FAM185A: variants seen among roughly 807,000 people sequenced by gnomAD.
The protein encoded by FAM185A is family with sequence similarity 185 member A, also known as protein FAM185A.
In FAM185A, 21 loss-of-function variants were observed where a neutral mutation model predicts 45.7. The ratio of observed to expected loss-of-function variants is 0.46; its 90% CI spans 0.33 to 0.66. The LOEUF (loss-of-function observed/expected upper bound fraction) is 0.66, where lower values mean the gene tolerates loss of function less well. FAM185A is among the 30% of genes least tolerant of loss of function. FAM185A has a pLI of 0.03. For synonymous variants in FAM185A, 117 were observed against 194.0 expected (o/e 0.60, Z 3.30); for missense variants, 305 against 485.4 (o/e 0.63, Z 3.49).
chr7:102,776,099 T>TACACACACACACACACACATATATACAC (rs1360377462), intron 5 of FAM185A, among the ~76,000 whole-genome samples: 1 of 106,670 alleles, frequency 9.4e-6, no homozygotes, highest in Admixed American at 8.6e-5. Flanking sequence ...TTGGCTCCTA[T>TACACACACACACACACACATATATACAC]ACACACACAC....
intron 6 of FAM185A, among the ~76,000 whole-genome samples, chr7:102,786,848 C>G (rs535913943): frequency 7.4e-5 from 11 of 149,252 alleles, no homozygotes; most frequent in African/African-American, 2.7e-4. Flanking sequence ...AAAACATGGG[C>G]TTTGTAATTA....
chr7:102,765,116 GT>G (rs1488106438), intron 4 of FAM185A, among the ~76,000 whole-genome samples: 3 of 152,286 alleles, frequency 2.0e-5, no homozygotes, highest in Non-Finnish European at 4.4e-5. Flanking sequence ...TTTGATCCTA[GT>G]TTCTTGGCTT....
chr7:102,813,432 A>G (rs1562888532), downstream of FAM185A: 1 of 1,614,160 alleles, frequency 6.2e-7, no homozygotes. Flanking sequence ...CAAGCTCTGT[A>G]ACAGGGTTTC....
chr7:102,767,213 C>T (rs1488496314), intron 4 of FAM185A, among the ~76,000 whole-genome samples: 2 of 146,486 alleles, frequency 1.4e-5, no homozygotes, highest in East Asian at 2.0e-4. Flanking sequence ...ATATTTACTA[C>T]AGTGTCTGTC....
intron 5 of FAM185A, among the ~76,000 whole-genome samples, chr7:102,774,898 G>T (rs2129437208): frequency 6.6e-6 from 1 of 152,224 alleles, no homozygotes; most frequent in South Asian, 2.1e-4. Context: ...ACCACACCTG[G>T]CCCTTTCTTT....
intron 7 of FAM185A, among the ~76,000 whole-genome samples, chr7:102,788,952 T>C (rs567615191): frequency 6.6e-6 from 1 of 152,312 alleles, no homozygotes; most frequent in East Asian, 1.9e-4. Flanking sequence ...TTACCATAAG[T>C]GGAGCTTGTA....
chr7:102,821,291 A>G, the FAM185A span, among the ~76,000 whole-genome samples: 235 of 152,296 alleles, frequency 1.5e-3, no homozygotes, highest in Admixed American at 3.1e-3. Flanking sequence ...ATCCAACTCC[A>G]GCTGGCTGCC....
downstream of FAM185A, among the ~76,000 whole-genome samples, chr7:102,812,122 C>T (rs1394354562): frequency 6.6e-6 from 1 of 152,192 alleles, no homozygotes; most frequent in African/African-American, 2.4e-5. Context: ...TCTGATATTG[C>T]TGACAAGGCT....
intron 6 of FAM185A, among the ~76,000 whole-genome samples, chr7:102,784,721 A>G (rs1048400695): frequency 1.2e-4 from 19 of 152,334 alleles, no homozygotes; most frequent in African/African-American, 4.6e-4. Flanking sequence ...CCCACAGCCA[A>G]TATCATACTG....
intron 6 of FAM185A, among the ~76,000 whole-genome samples, chr7:102,777,658 A>G (rs1485834317): frequency 6.6e-6 from 1 of 152,290 alleles, no homozygotes; most frequent in Non-Finnish European, 1.5e-5. Context: ...TCTGAAATAG[A>G]ATAATCTTTG....
chr7:102,758,426 GCTTTTTTT>G (rs1793898165), intron 3 of FAM185A, among the ~76,000 whole-genome samples: 6 of 95,894 alleles, frequency 6.3e-5, no homozygotes, highest in Admixed American at 3.8e-4. Flanking sequence ...TGCTCTCACA[GCTTTTTTT>G]TTTTTTTTTT....
At chr7:102,767,085 C>T (rs757189494) in intron 4 of FAM185A, among the ~76,000 whole-genome samples, 19 of 151,906 alleles carry the variant, frequency 1.3e-4, no homozygotes, top group South Asian at 4.2e-4. Context: ...CATGAGCCAC[C>T]GCACCTGGCC....
chr7:102,772,957 G>A (rs1301426071), intron 5 of FAM185A, among the ~76,000 whole-genome samples: 2 of 151,970 alleles, frequency 1.3e-5, no homozygotes, highest in Non-Finnish European at 2.9e-5. Context: ...CTGAGCCCTG[G>A]GAAGAAAGAC....
At chr7:102,820,623 A>T in the FAM185A span, among the ~76,000 whole-genome samples, 1 of 152,212 alleles carries the variant, frequency 6.6e-6, no homozygotes, top group African/African-American at 2.4e-5. Context: ...TTGTGTTGCC[A>T]TAACAGACTA....
intron 5 of FAM185A, among the ~76,000 whole-genome samples, chr7:102,774,181 A>G (rs1425533342): frequency 6.6e-6 from 1 of 152,090 alleles, no homozygotes; most frequent in African/African-American, 2.4e-5. Context: ...TTTTTGTTAA[A>G]TTCATTTGTG....
At chr7:102,778,853 C>T (rs3864632) in intron 6 of FAM185A, among the ~76,000 whole-genome samples, 50 of 152,212 alleles carry the variant, frequency 3.3e-4, no homozygotes, top group African/African-American at 1.1e-3. Flanking sequence ...CTTTCTTAAT[C>T]GTTCGCAAAG....
At chr7:102,807,750 T>TAA (rs57307357) in intron 7 of FAM185A, among the ~76,000 whole-genome samples, 1 of 135,628 alleles carries the variant, frequency 7.4e-6, no homozygotes. Context: ...CGTCTCCACT[T>TAA]AAAAAAAAAA....
intron 5 of FAM185A, among the ~76,000 whole-genome samples, chr7:102,774,167 CA>C (rs1332134265): frequency 1.3e-5 from 2 of 151,908 alleles, no homozygotes; most frequent in Non-Finnish European, 1.5e-5. Context: ...AGATCTGGCA[CA>C]TTTTTTTGTT....
chr7:102,824,534 G>A, the FAM185A span, among the ~76,000 whole-genome samples: 1 of 151,828 alleles, frequency 6.6e-6, no homozygotes, highest in East Asian at 1.9e-4. Context: ...TGCACAGGCT[G>A]GAGTGTAGTG....
Sources: gnomAD v4.1 joint callset for allele counts (sites outside exome capture counted in the v4.1 genomes callset) on GRCh38, gnomAD v4.1.1 for gene constraint, MANE v1.5 for transcripts, NCBI Gene and HGNC (gene_info 2026-07-23, HGNC 2026-07-21) for gene names.